Variants in USP4 observed in about 807,000 individuals in gnomAD.
USP4 encodes the protein ubiquitin specific peptidase 4, also known as ubiquitin carboxyl-terminal hydrolase 4.
USP4 carries 72 observed loss-of-function variants against 118.2 expected under a neutral mutation model. That is an observed-to-expected ratio of 0.61 (90% CI 0.50 to 0.74). The LOEUF is 0.74. Ranked by LOEUF, USP4 falls within the 30% of genes least tolerant of loss-of-function variation. The pLI is 0.00. For synonymous variants in USP4, 415 were observed against 440.4 expected, an observed-to-expected ratio of 0.94 and a Z score of 0.72; for missense variants, 1,037 against 1,185.7, an observed-to-expected ratio of 0.87 and a Z score of 1.84.
intron 6 of USP4, chr3:49,313,762 G>A (rs2047409566): frequency 6.6e-6 from 1 of 152,076 alleles, no homozygotes; most frequent in Admixed American, 6.5e-5. Context: ...ATTAATTCAA[G>A]GGCTAATTGC....
At chr3:49,317,504 T>A in intron 6 of USP4, 1 of 647,020 alleles carries the variant, frequency 1.5e-6, no homozygotes, top group Non-Finnish European at 2.8e-6. Flanking sequence ...AGATGGAGTT[T>A]CACTCTTTTT....
intron 1 of USP4, among the ~76,000 whole-genome samples, chr3:49,338,490 C>G (rs1266719415): frequency 6.6e-6 from 1 of 151,374 alleles, no homozygotes; most frequent in Non-Finnish European, 1.5e-5. Context: ...GAAACCCCGT[C>G]TCTACTAAAA....
At chr3:49,282,776 T>C (rs936264585) in intron 19 of USP4, among the ~76,000 whole-genome samples, 19 of 151,808 alleles carry the variant, frequency 1.3e-4, no homozygotes, top group Non-Finnish European at 2.5e-4. Context: ...GGCACAATCT[T>C]GGCTCACTGC....
chr3:49,290,882 G>A (rs1042126843), intron 15 of USP4, among the ~76,000 whole-genome samples: 3 of 152,110 alleles, frequency 2.0e-5, no homozygotes, highest in African/African-American at 7.2e-5. Flanking sequence ...ACGAGGGCAA[G>A]GTGGAAGGAT....
chr3:49,309,648 C>T (rs1278912641), intron 8 of USP4, among the ~76,000 whole-genome samples: 4 of 52,778 alleles, frequency 7.6e-5, no homozygotes, highest in Admixed American at 3.1e-4. Flanking sequence ...TTTTTTGAAA[C>T]GGAGTTTCAC....
rs1320456751 is a variant in USP4, at chr3:49,278,850, A to G, written c.2697T>C (p.Asp899=). Residue 899 remains aspartate, a synonymous_variant, in exon 21 of 22, where the codon GAT becomes GAC. Coordinates refer to ENST00000265560, the MANE Select transcript of USP4 (RefSeq NM_003363.4). ...CCTCAGAGGCCAGGGACACGTTGCT[A>G]TCATCAAAGTAATACCATTTACCAT... is the stretch of plus-strand genomic sequence containing the variant. The part of the protein sequence containing the change: ...KLNGKWYYFD[D]SNVSLASEDQ... 1.2e-6 allele frequency: 2 copies of G among 1,613,148 alleles called. No individual in the cohort carries two copies. Among genetic ancestry groups the G allele is most frequent in the African/African-American group, 1.3e-5 (1 of 74,892 alleles).
intron 6 of USP4, among the ~76,000 whole-genome samples, chr3:49,318,124 C>T (rs1204118560): frequency 6.6e-6 from 1 of 152,232 alleles, no homozygotes; most frequent in Non-Finnish European, 1.5e-5. Flanking sequence ...GCATGAGCCA[C>T]CGTGCCTGAC....
chr3:49,290,439 T>C (rs2047140376), intron 15 of USP4, among the ~76,000 whole-genome samples: 2 of 152,174 alleles, frequency 1.3e-5, no homozygotes, highest in Admixed American at 6.5e-5. Flanking sequence ...TTAAAGTCAG[T>C]TCTCACTTTC....
chr3:49,278,383 G>A lies in USP4; in HGVS notation c.2802C>T (p.Ser934=). The change falls in exon 22 of 22, where the codon AGC becomes AGT. Residue 934 remains serine (S), a synonymous_variant. Transcript: ENST00000265560. Reference sequence around the variant, plus strand: ...TCCCTCCATCAGAGGAACCAGAACTGCTAAGTGAAGGTGTCTTATAAAATT... The same window carrying A: ...TCCCTCCATCAGAGGAACCAGAACTACTAAGTGAAGGTGTCTTATAAAATT... ...DDEFYKTPSL[S]SSGSSDGGTR... The A allele has an allele frequency of 6.2e-7, 1 of 1,614,176 alleles. No homozygotes were observed. Among genetic ancestry groups the A allele is most frequent in the Non-Finnish European group, 8.5e-7 (1 of 1,180,030 alleles).
chr3:49,294,843 C>G (rs1405852070), intron 13 of USP4, among the ~76,000 whole-genome samples: 2 of 152,192 alleles, frequency 1.3e-5, no homozygotes, highest in Non-Finnish European at 2.9e-5. Context: ...GATACTCCTT[C>G]TTCCAACCAC....
chr3:49,307,918 A>G (rs2047336257), intron 8 of USP4, among the ~76,000 whole-genome samples: 2 of 152,216 alleles, frequency 1.3e-5, no homozygotes, highest in South Asian at 4.1e-4. Flanking sequence ...TGGGAGGATC[A>G]CTTGAGCCCA....
chr3:49,295,714 G>GCACA (rs1553624012), intron 13 of USP4, among the ~76,000 whole-genome samples: 1 of 148,320 alleles, frequency 6.7e-6, no homozygotes, highest in Non-Finnish European at 1.5e-5. Context: ...GCGCGCGCGC[G>GCACA]CACACACACA....
intron 6 of USP4, among the ~76,000 whole-genome samples, chr3:49,320,752 CCT>C (rs971744737): frequency 4.6e-5 from 7 of 152,198 alleles, no homozygotes; most frequent in Admixed American, 4.6e-4. Context: ...TTTTTTTCCC[CCT>C]TTTTCCACAT....
At chr3:49,325,113 C>T (rs1195349090) in intron 4 of USP4, 74 bp from the exon 5 acceptor site, 3 of 1,550,638 alleles carry the variant, frequency 1.9e-6, no homozygotes, top group Non-Finnish European at 2.6e-6. Flanking sequence ...CAAACTAATG[C>T]TCATCCTCTT....
Position 49,277,370 on chromosome 3 carries a change from A to G in USP4, c.*923T>C. 1.6e-6 allele frequency: 1 copy of G among 610,892 alleles called. No individual in the cohort carries two copies. The highest frequency in any genetic ancestry group is 1.9e-5 in the South Asian group (1 of 53,188). The allele number at this position is 610,892 out of a possible 1,614,324, so 37.8% of individuals were successfully genotyped here. On this transcript the variant is annotated 3_prime_UTR_variant, in exon 22 of 22. Coordinates refer to ENST00000265560, the MANE Select transcript of USP4 (RefSeq NM_003363.4). ...GGTGGGAGTGGGGACGGGGCTTTCGAATGGGGGCCCCGGGAAGAGTCTTGG... is the reference window on the plus strand; with the variant it reads ...GGTGGGAGTGGGGACGGGGCTTTCGGATGGGGGCCCCGGGAAGAGTCTTGG...
At chr3:49,316,291 C>T (rs1033965765) in intron 6 of USP4, among the ~76,000 whole-genome samples, 5 of 144,968 alleles carry the variant, frequency 3.4e-5, no homozygotes, top group African/African-American at 1.4e-4. Flanking sequence ...TTTAATTTAA[C>T]TTTATTTATT....
At chr3:49,321,234 C>T (rs2047496778) in intron 6 of USP4, among the ~76,000 whole-genome samples, 5 of 152,182 alleles carry the variant, frequency 3.3e-5, no homozygotes, top group Admixed American at 2.6e-4. Flanking sequence ...CAAAGTTATA[C>T]ATTCAATTTT....
chr3:49,280,068 G>A (rs2047001835), intron 20 of USP4, among the ~76,000 whole-genome samples: 2 of 151,934 alleles, frequency 1.3e-5, no homozygotes, highest in South Asian at 4.1e-4. Context: ...TTCAAGACCA[G>A]CCTGGGCAAC....
chr3:49,291,360 A>G (rs1438421817), intron 15 of USP4, among the ~76,000 whole-genome samples: 1 of 150,196 alleles, frequency 6.7e-6, no homozygotes, highest in Non-Finnish European at 1.5e-5. Flanking sequence ...GTGAATCATG[A>G]GGTCAGGAGT....
Sources: gnomAD v4.1 joint callset for allele counts (sites outside exome capture counted in the v4.1 genomes callset) on GRCh38, gnomAD v4.1.1 for gene constraint, MANE v1.5 for transcripts, NCBI Gene and HGNC (gene_info 2026-07-23, HGNC 2026-07-21) for gene names.